Variants in TAF2 observed in about 807,000 individuals in gnomAD.
The protein encoded by TAF2 is transcription initiation factor TFIID subunit 2.
In TAF2, 61 loss-of-function variants were observed where a neutral mutation model predicts 138.5. That is an observed-to-expected ratio of 0.44 (90% CI 0.36 to 0.54). TAF2 has a LOEUF of 0.54. Among genes scored for constraint, TAF2 ranks in the 20% least tolerant of loss-of-function variants. TAF2 has a pLI of 0.00. For synonymous variants in TAF2, 475 were observed against 469.9 expected, an observed-to-expected ratio of 1.01 and a Z score of -0.14; for missense variants, 1,090 against 1,427.9, an observed-to-expected ratio of 0.76 and a Z score of 3.81.
intron 18 of TAF2, among the ~76,000 whole-genome samples, chr8:119,772,938 AAATAAT>A (rs921233589): frequency 2.0e-5 from 3 of 148,972 alleles, no homozygotes; most frequent in Non-Finnish European, 3.0e-5. Flanking sequence ...ACTCCATCTC[AAATAAT>A]AATAATAATA....
intron 14 of TAF2, 126 bp downstream of exon 14, chr8:119,788,212 A>C (rs1324661897): frequency 1.3e-6 from 1 of 780,704 alleles, no homozygotes; most frequent in Admixed American, 2.0e-5. Flanking sequence ...TGTTCTGCAC[A>C]TGTATCCCAC....
At chr8:119,739,635 G>A (rs528856074) in intron 25 of TAF2, among the ~76,000 whole-genome samples, 6 of 150,718 alleles carry the variant, frequency 4.0e-5, no homozygotes, top group South Asian at 2.1e-4. Flanking sequence ...AATTATCATC[G>A]GGCTCCTTGG....
intron 15 of TAF2, among the ~76,000 whole-genome samples, chr8:119,784,707 G>T (rs959602824): frequency 6.6e-6 from 1 of 152,166 alleles, no homozygotes; most frequent in African/African-American, 2.4e-5. Context: ...ATAAAGTTTA[G>T]AACAGTGGTT....
chr8:119,778,816 G>A (rs189718566), intron 17 of TAF2, among the ~76,000 whole-genome samples: 7 of 152,182 alleles, frequency 4.6e-5, no homozygotes, highest in Non-Finnish European at 1.5e-5. Context: ...TACACACACT[G>A]GTTAACTCTA....
chr8:119,756,028 T>C lies in TAF2; in HGVS notation c.2856A>G (p.Gln952=). The C allele has an allele frequency of 6.2e-7, 1 of 1,613,340 alleles. No individual in the cohort carries two copies. Among genetic ancestry groups the C allele is most frequent in the Non-Finnish European group, 8.5e-7 (1 of 1,179,464 alleles). The change falls in exon 22 of 26, where the codon CAA becomes CAG. Residue 952 remains glutamine (Q), a synonymous_variant. Transcript: ENST00000378164. ...SPLCNEALVD[Q]LWKLMNSGTS... The stretch of plus-strand genomic sequence containing the variant: ...CACCAGAATTCATAAGTTTCCAAAG[T>C]TGATCTACCAGGGCTTCATTGCATA...
chr8:119,735,949 A>T (rs1819197022), intron 25 of TAF2, among the ~76,000 whole-genome samples: 1 of 152,196 alleles, frequency 6.6e-6, no homozygotes, highest in African/African-American at 2.4e-5. Flanking sequence ...CTATATCAAC[A>T]GACTTTGCAG....
chr8:119,799,054 G>A (rs1253616040), intron 6 of TAF2, among the ~76,000 whole-genome samples: 7 of 151,970 alleles, frequency 4.6e-5, no homozygotes, highest in Non-Finnish European at 1.5e-5. Context: ...AACAATTCTT[G>A]ACTATCATTT....
At chr8:119,829,724 G>T (rs1044895588) in intron 2 of TAF2, among the ~76,000 whole-genome samples, 1 of 151,966 alleles carries the variant, frequency 6.6e-6, no homozygotes, top group Non-Finnish European at 1.5e-5. Context: ...ATTCCTCAGG[G>T]ACAACACAGG....
chr8:119,772,983 TAAG>T (rs1230325635), intron 18 of TAF2, among the ~76,000 whole-genome samples: 1 of 147,750 alleles, frequency 6.8e-6, no homozygotes, highest in Non-Finnish European at 1.5e-5. Context: ...TTACTTAAAA[TAAG>T]AAAATGCAGG....
At position 119,806,299 on chromosome 8, in the gene TAF2, T is replaced by C. The variant is rs1013781373; in HGVS notation, c.402A>G (p.Leu134=). 1.0e-4 allele frequency: 167 copies of C among 1,613,766 alleles called. No homozygotes were observed. The highest frequency in any genetic ancestry group is 1.3e-4 in the Non-Finnish European group (148 of 1,179,804). ...GTGCTTTACCATCAACGTGTTTCCA[T>C]AGCTCTGATGGAACCTTAATGCAAA... is the stretch of plus-strand genomic sequence containing the variant. ...GELCIKVPSE[L]WKHVDELKVL... The change falls in exon 4 of 26, where the codon CTA becomes CTG. Residue 134 remains leucine, a synonymous_variant. Transcript: ENST00000378164.
chr8:119,788,370 T>C lies in TAF2; in HGVS notation c.1761A>G (p.Lys587=). ...TTTTGGAATGGCAGGGTATATCATG[T>C]TTAAGGCTGTTTTCTTCAATTTGCA... ...HTLQIEENSL[K]HDIPCHSKSR... The change falls in exon 14 of 26, where the codon AAA becomes AAG. Residue 587 remains lysine (K), a synonymous_variant. Coordinates refer to ENST00000378164, the MANE Select transcript of TAF2 (RefSeq NM_003184.4). 3 of 1,613,748 alleles carry C rather than the reference T, an allele frequency of 1.9e-6. No individual in the cohort carries two copies. Among genetic ancestry groups the C allele is most frequent in the East Asian group, 4.5e-5 (2 of 44,780 alleles).
chr8:119,816,150 A>C (rs1586526546), intron 3 of TAF2, among the ~76,000 whole-genome samples: 1 of 147,834 alleles, frequency 6.8e-6, no homozygotes, highest in Non-Finnish European at 1.5e-5. Context: ...TCCCAGGTTC[A>C]CGCCATTCTC....
At chr8:119,775,646 T>C (rs180977332) in intron 18 of TAF2, among the ~76,000 whole-genome samples, 1 of 151,880 alleles carries the variant, frequency 6.6e-6, no homozygotes, top group East Asian at 1.9e-4. Flanking sequence ...GAGGTTGCAG[T>C]GCACCGAGAT....
rs1265454794 is a variant in TAF2 at position 119,783,586 on chromosome 8, A to G, written c.1907T>C (p.Val636Ala). 1 of 1,614,156 alleles carries G rather than the reference A, an allele frequency of 6.2e-7. No homozygotes were observed. Reference sequence around the variant, plus strand: ...TTGCTCAAATTCTACCTTCCTCAATACTGACATATCTGGGTCTATCCTTAT... The same window carrying G: ...TTGCTCAAATTCTACCTTCCTCAATGCTGACATATCTGGGTCTATCCTTAT... ...LWIRIDPDMSVLRKVEFEQAD... is the reference protein window; with the variant it reads ...LWIRIDPDMSALRKVEFEQAD... Residue 636 changes from valine to alanine, a missense_variant, in exon 16 of 26, where the codon GTA becomes GCA. This residue lies in a region of TAF2 where 580 missense variants were observed against 719.6 expected (regional missense o/e 0.81). Coordinates refer to ENST00000378164, the MANE Select transcript of TAF2 (RefSeq NM_003184.4).
intron 2 of TAF2, among the ~76,000 whole-genome samples, chr8:119,822,957 G>A (rs1210459555): frequency 6.6e-6 from 1 of 152,008 alleles, no homozygotes; most frequent in Non-Finnish European, 1.5e-5. Context: ...CAATTACCTT[G>A]CCCCTCTGTT....
rs767978003 is a variant in TAF2 at position 119,746,842 on chromosome 8, C to G, written c.2971G>C (p.Glu991Gln). 6.2e-7 allele frequency: 1 copy of G among 1,614,114 alleles called. No homozygotes were observed. The highest frequency in any genetic ancestry group is 1.7e-5 in the Admixed American group (1 of 60,018). ...LSRPSCLPLP[E>Q]LGLVLNLKEK... Reference sequence around the variant, plus strand: ...TTTAGATTAAGAACCAACCCAAGCTCTGGCAAGGGTAAACAGGAAGGTCTA... The same window carrying G: ...TTTAGATTAAGAACCAACCCAAGCTGTGGCAAGGGTAAACAGGAAGGTCTA... The change falls in exon 23 of 26, where the codon GAG becomes CAG. Residue 991 changes from glutamate (E) to glutamine (Q), a missense_variant. Coordinates refer to ENST00000378164, the MANE Select transcript of TAF2 (RefSeq NM_003184.4).
intron 22 of TAF2, 73 bp downstream of exon 22, chr8:119,755,933 T>C: frequency 8.1e-7 from 1 of 1,232,722 alleles, no homozygotes; most frequent in Non-Finnish European, 1.2e-6. Flanking sequence ...TAAATGCTAT[T>C]GAATTGAAAA....
intron 16 of TAF2, among the ~76,000 whole-genome samples, chr8:119,781,470 G>C (rs1416958931): frequency 6.6e-6 from 1 of 152,052 alleles, no homozygotes; most frequent in Non-Finnish European, 1.5e-5. Context: ...CTGAGGTCAG[G>C]AGTTCAAGAC....
chr8:119,799,141 A>AT (rs1444955175), intron 6 of TAF2, among the ~76,000 whole-genome samples: 1 of 134,440 alleles, frequency 7.4e-6, no homozygotes, highest in Non-Finnish European at 1.6e-5. Flanking sequence ...TCAAACATTG[A>AT]TTTTTTAAAA....
Sources: allele counts gnomAD v4.1 joint callset (sites outside exome capture counted in the v4.1 genomes callset), GRCh38; gene constraint gnomAD v4.1.1; regional missense constraint gnomAD v4.1.1; transcripts MANE v1.5; gene names NCBI Gene and HGNC (gene_info 2026-07-23, HGNC 2026-07-21).